STAT1: variants seen among roughly 807,000 people sequenced by gnomAD.
STAT1 encodes the protein signal transducer and activator of transcription 1-alpha/beta.
A neutral mutation model predicts 111.7 loss-of-function variants in STAT1; 24 were observed. The observed-to-expected ratio is 0.21, with a 90% CI of 0.16 to 0.30. The LOEUF (loss-of-function observed/expected upper bound fraction) is 0.30, where lower values mean the gene tolerates loss of function less well. Among genes scored for constraint, STAT1 ranks in the 10% least tolerant of loss-of-function variants. The pLI is 1.00. For synonymous variants in STAT1, 332 were observed against 326.5 expected (o/e 1.02, Z -0.18); for missense variants, 351 against 911.9 (o/e 0.38, Z 7.92).
At chr2:190,994,163 T>C (rs879788638) in intron 10 of STAT1, among the ~76,000 whole-genome samples, 1 of 152,034 alleles carries the variant, frequency 6.6e-6, no homozygotes, top group Non-Finnish European at 1.5e-5. Flanking sequence ...AGAGGAAGTA[T>C]CCTCAGGAGA....
At chr2:190,985,894 C>A (rs1286865991) in intron 14 of STAT1, among the ~76,000 whole-genome samples, 3 of 152,212 alleles carry the variant, frequency 2.0e-5, no homozygotes, top group African/African-American at 7.2e-5. Flanking sequence ...GAATCACAAC[C>A]CGCTCCTCTC....
In STAT1 at chr2:190,999,812, ATCTCCCCC is replaced by A; in HGVS notation, c.463-116_463-109del. 1.3e-6 allele frequency: 1 copy of A among 761,964 alleles called. No individual in the cohort carries two copies. Among genetic ancestry groups the A allele is most frequent in the South Asian group, 1.5e-5 (1 of 68,160 alleles). The allele number at this position is 761,964 out of a possible 1,614,324, so 47.2% of individuals were successfully genotyped here. On this transcript the variant is annotated intron_variant, in intron 6 of 24. Transcript: ENST00000361099. This position sits in a 1 kb window ranked among gnomAD's most constrained non-coding sequence, Gnocchi z 4.1. ...CCCAGAGAAACACGAAAACAATTCC[ATCTCCCCC>A]AAAAAGAGATCTGACTTGGACAGTT...
Position 190,997,971 on chromosome 2 carries a change from T to C in STAT1, c.670A>G (p.Thr224Ala). The C allele has an allele frequency of 1.2e-6, 2 of 1,614,230 alleles. No individual in the cohort carries two copies. Among genetic ancestry groups the C allele is most frequent in the Non-Finnish European group, 1.7e-6 (2 of 1,180,044 alleles). ...ATCAGGGCATTCTGGGTAAGTTCAGTGACATTCAGCAACTCTATTATTTTG... is the reference window on the plus strand; with the variant it reads ...ATCAGGGCATTCTGGGTAAGTTCAGCGACATTCAGCAACTCTATTATTTTG... ...VHKIIELLNV[T>A]ELTQNALIND... The change falls in exon 9 of 25, where the codon ACT (threonine) becomes GCT (alanine). Residue 224 changes from threonine (T) to alanine (A), a missense_variant. Thr to Ala is a moderately conservative substitution (Grantham distance 58). This residue lies in a region of STAT1 where 67 missense variants were observed against 158.9 expected (regional missense o/e 0.42). Transcript: ENST00000361099. This position sits in a 1 kb window ranked among gnomAD's most constrained non-coding sequence, Gnocchi z 7.3.
In STAT1 at chr2:190,977,040, A is replaced by G. The variant is rs769344803; in HGVS notation, c.1874-15T>C. 3.7e-6 allele frequency: 6 copies of G among 1,613,758 alleles called. No individual in the cohort carries two copies. The South Asian group carries it at 5.5e-5, about 15-fold the overall frequency. On this transcript the variant is annotated splice_polypyrimidine_tract_variant and intron_variant, in intron 21 of 24. Transcript: ENST00000361099. The surrounding 1 kb of genome is among the most constrained non-coding windows in gnomAD (Gnocchi z 4.7). ...GAAGTCAGGTTCTAAAAAGGAGAAA[A>G]GCTAAGTAAATCCCATAGAACATCC... is the stretch of plus-strand genomic sequence containing the variant.
At chr2:191,005,099 T>C (rs1056084197) in intron 5 of STAT1, among the ~76,000 whole-genome samples, 4 of 152,236 alleles carry the variant, frequency 2.6e-5, no homozygotes, top group African/African-American at 9.6e-5. Context: ...CATCTCGGCA[T>C]GTCTATAGAA....
rs1458817954 is a variant in STAT1, at chr2:190,976,622, C to T, written c.2059+218G>A. ...ACACAAGACCAGCAATGGACTTTTC[C>T]AACATTCCTAAAATAGGAAATTGTC... On this transcript the variant is annotated intron_variant, in intron 22 of 24. Coordinates refer to ENST00000361099, the MANE Select transcript of STAT1 (RefSeq NM_007315.4). This position sits in a 1 kb window ranked among gnomAD's most constrained non-coding sequence, Gnocchi z 6.0. Among the ~76,000 whole-genome samples, 12 of 152,170 alleles carry T rather than the reference C, an allele frequency of 7.9e-5. No homozygotes were observed. The highest frequency in any genetic ancestry group is 1.0e-4 in the Non-Finnish European group (7 of 68,018).
rs10199181 is a variant in STAT1 at position 191,008,827 on chromosome 2, A to T, written c.273+136T>A. On this transcript the variant is annotated intron_variant, in intron 4 of 24. Coordinates refer to ENST00000361099, the MANE Select transcript of STAT1 (RefSeq NM_007315.4). ...ATGCTATATTTACTGATGCTGTAGA[A>T]AACATAAATGGAGTTAGTCTCTATT... is the stretch of plus-strand genomic sequence containing the variant. 363,925 of 895,406 alleles carry T rather than the reference A, an allele frequency of 0.41. 77,681 individuals are homozygous for T. Among genetic ancestry groups the T allele is most frequent in the East Asian group, 0.71 (26,714 of 37,606 alleles). The allele number at this position is 895,406 out of a possible 1,614,324, so 55.5% of individuals were successfully genotyped here. A position where few individuals can be genotyped will look rare whatever the true frequency, so the allele number is the denominator to read the frequency against.
At position 190,972,816 on chromosome 2, in the gene STAT1, GGTGTGTGTGT is replaced by G. The variant is rs34975356; in HGVS notation, c.2238+2004_2238+2013del. On this transcript the variant is annotated intron_variant, in intron 24 of 24. Coordinates refer to ENST00000361099, the MANE Select transcript of STAT1 (RefSeq NM_007315.4). Reference sequence around the variant, plus strand: ...TGGGAGGCTTTAGTGGTGTATAGAGGGTGTGTGTGTGTGTGTGTGTGTGTGTGTGTGTGTG... The same window carrying G: ...TGGGAGGCTTTAGTGGTGTATAGAGGGTGTGTGTGTGTGTGTGTGTGTGTG... Among the ~76,000 whole-genome samples the G allele has an allele frequency of 2.3e-3, 311 of 136,420 alleles. 3 individuals carry two copies. In the South Asian group the frequency reaches 0.028, roughly 12 times the overall value. The allele number at this position is 136,420 out of a possible 152,430, so 89.5% of individuals were successfully genotyped here.
Position 190,998,038 on chromosome 2 carries a change from A to T in STAT1, c.634-31T>A, listed in dbSNP as rs369684905. The T allele has an allele frequency of 4.3e-6, 7 of 1,611,676 alleles. No individual in the cohort carries two copies. In the African/African-American group the frequency reaches 9.3e-5, roughly 22 times the overall value. On this transcript the variant is annotated intron_variant, in intron 8 of 24. Coordinates refer to ENST00000361099, the MANE Select transcript of STAT1 (RefSeq NM_007315.4). This position sits in a 1 kb window ranked among gnomAD's most constrained non-coding sequence, Gnocchi z 4.1. ...GGCAATAGAAGAAACAAAGTGAAAT[A>T]AATTCATTTTTAATCACTGAATTTT... is the stretch of plus-strand genomic sequence containing the variant.
Position 190,995,171 on chromosome 2 carries a change from T to C in STAT1, c.834A>G (p.Lys278=), listed in dbSNP as rs1182141196. The C allele has an allele frequency of 6.2e-7, 1 of 1,613,950 alleles. No individual in the cohort carries two copies. The highest frequency in any genetic ancestry group is 1.7e-5 in the Admixed American group (1 of 60,002). ...ESLQQVRQQL[K]KLEELEQKYT... ...ATTTCTGTTCCAATTCCTCCAACTT[T>C]TTAAGCTGCTGCCGAACTTGCTGCA... The change falls in exon 10 of 25, where the codon AAA becomes AAG. Residue 278 remains lysine (K), a synonymous_variant. Transcript: ENST00000361099. The surrounding 1 kb of genome is among the most constrained non-coding windows in gnomAD (Gnocchi z 4.2).
At position 190,975,531 on chromosome 2, in the gene STAT1, A is replaced by T; in HGVS notation, c.2135+281T>A. On this transcript the variant is annotated intron_variant, in intron 23 of 24. Coordinates refer to ENST00000361099, the MANE Select transcript of STAT1 (RefSeq NM_007315.4). This position sits in a 1 kb window ranked among gnomAD's most constrained non-coding sequence, Gnocchi z 5.9. ...CTAGATTGAAAAGAACTACTTTCCC[A>T]CTCTGATCAACTTTTGCTCATTTTA... 1 of 1,287,288 alleles carries T rather than the reference A, an allele frequency of 7.8e-7. No homozygotes were observed. The highest frequency in any genetic ancestry group is 1.0e-6 in the Non-Finnish European group (1 of 973,578). 79.7% of individuals were successfully genotyped at this position (1,287,288 alleles called of 1,614,324 possible).
chr2:190,992,746 C>T (rs1395532089), intron 10 of STAT1: 3 of 862,816 alleles, frequency 3.5e-6, no homozygotes, highest in Non-Finnish European at 5.0e-6. Context: ...TTCTTAATCT[C>T]AGCTGCCATC....
rs963371244 is a variant in STAT1 at position 191,003,711 on chromosome 2, A to G, written c.373-2548T>C. ...GCTTCCTGTAACAGCCTGCAGAACC[A>G]TAAGTCAATTAAACCTCTTTTCTTA... On this transcript the variant is annotated intron_variant, in intron 5 of 24. Coordinates refer to ENST00000361099, the MANE Select transcript of STAT1 (RefSeq NM_007315.4). This position sits in a 1 kb window ranked among gnomAD's most constrained non-coding sequence, Gnocchi z 4.0. 6.6e-6 allele frequency among the ~76,000 whole-genome samples: 1 copy of G among 152,310 alleles called. No homozygotes were observed. Among genetic ancestry groups the G allele is most frequent in the Non-Finnish European group, 1.5e-5 (1 of 68,036 alleles).
rs911876235 is a variant in STAT1 at position 190,974,721 on chromosome 2, C to T, written c.2238+109G>A. 5.4e-5 allele frequency: 53 copies of T among 990,430 alleles called. No homozygotes were observed. The highest frequency in any genetic ancestry group is 4.3e-4 in the South Asian group (32 of 75,082). 61.4% of individuals were successfully genotyped at this position (990,430 alleles called of 1,614,324 possible). ...CTGAGCACTGCACTCTCCTTGGCTC[C>T]GCCAGGGCTCCCTCCCGCAGACAGG... On this transcript the variant is annotated intron_variant, in intron 24 of 24. Transcript: ENST00000361099. This position sits in a 1 kb window ranked among gnomAD's most constrained non-coding sequence, Gnocchi z 4.8.
In STAT1 at chr2:190,980,886, G is replaced by A. The variant is rs1692337779; in HGVS notation, c.1583-217C>T. On this transcript the variant is annotated intron_variant, in intron 18 of 24. Coordinates refer to ENST00000361099, the MANE Select transcript of STAT1 (RefSeq NM_007315.4). The surrounding 1 kb of genome is among the most constrained non-coding windows in gnomAD (Gnocchi z 6.1). ...GCGGAATTTAAATGGTCTAAAATAT[G>A]TATATGTTGGTTTGAGTTTAATGGC... Among the ~76,000 whole-genome samples the A allele has an allele frequency of 6.6e-6, 1 of 152,164 alleles. No homozygotes were observed. Among genetic ancestry groups the A allele is most frequent in the East Asian group, 1.9e-4 (1 of 5,194 alleles).
rs757528949 is a variant in STAT1 at position 190,976,835 on chromosome 2, C to T, written c.2059+5G>A. ...ACGCTGTTACCACCTGCTTGCCCCA[C>T]TTACCTTCCTTTGGCCTGGAGTAAT... On this transcript the variant is annotated splice_donor_5th_base_variant and intron_variant, in intron 22 of 24. Transcript: ENST00000361099. The surrounding 1 kb of genome is among the most constrained non-coding windows in gnomAD (Gnocchi z 6.0). The T allele has an allele frequency of 8.7e-6, 14 of 1,613,846 alleles. No individual in the cohort carries two copies. The Admixed American group carries it at 2.3e-4, about 27-fold the overall frequency.
In STAT1 at chr2:190,998,662, CAAAAAAAAACAAAAAAAACA is replaced by C. The variant is rs1333999732; in HGVS notation, c.542-374_542-355del. On this transcript the variant is annotated intron_variant, in intron 7 of 24. Coordinates refer to ENST00000361099, the MANE Select transcript of STAT1 (RefSeq NM_007315.4). The surrounding 1 kb of genome is among the most constrained non-coding windows in gnomAD (Gnocchi z 4.1). ...GGGCGACAGAGCGAGACTCCGTCTC[CAAAAAAAAACAAAAAAAACA>C]AAAAAAAAACAAAAAAAACTTGTTT... Among the ~76,000 whole-genome samples, 11 of 100,358 alleles carry C rather than the reference CAAAAAAAAACAAAAAAAACA, an allele frequency of 1.1e-4. No individual in the cohort carries two copies. Among genetic ancestry groups the C allele is most frequent in the African/African-American group, 1.5e-4 (4 of 25,972 alleles). The allele number at this position is 100,358 out of a possible 152,430, so 65.8% of individuals were successfully genotyped here. A position where few individuals can be genotyped will look rare whatever the true frequency, so the allele number is the denominator to read the frequency against.
chr2:190,982,308 G>A lies in STAT1; in HGVS notation c.1582+75C>T, dbSNP rs1692451399. 3 of 1,559,162 alleles carry A rather than the reference G, an allele frequency of 1.9e-6. No individual in the cohort carries two copies. Among genetic ancestry groups the A allele is most frequent in the South Asian group, 2.2e-5 (2 of 89,152 alleles). ...TTTTTACCTTTAACAAAATAGCAGA[G>A]GGGAAAAGAGCAATTAGAGAGATAT... On this transcript the variant is annotated intron_variant, in intron 18 of 24. Transcript: ENST00000361099. This position sits in a 1 kb window ranked among gnomAD's most constrained non-coding sequence, Gnocchi z 7.3.
At position 190,995,026 on chromosome 2, in the gene STAT1, T is replaced by C. The variant is rs1457261297; in HGVS notation, c.944+35A>G. On this transcript the variant is annotated intron_variant, in intron 10 of 24. Coordinates refer to ENST00000361099, the MANE Select transcript of STAT1 (RefSeq NM_007315.4). The surrounding 1 kb of genome is among the most constrained non-coding windows in gnomAD (Gnocchi z 4.2). ...TAAAATGTTCCTCTGTATAGACCGATTACAGAAGGTACAAATAAATGTCCC... is the reference window on the plus strand; with the variant it reads ...TAAAATGTTCCTCTGTATAGACCGACTACAGAAGGTACAAATAAATGTCCC... The C allele has an allele frequency of 6.2e-7, 1 of 1,604,510 alleles. No individual in the cohort carries two copies.
Sources: allele counts gnomAD v4.1 joint callset (sites outside exome capture counted in the v4.1 genomes callset), GRCh38; gene constraint gnomAD v4.1.1; regional missense constraint gnomAD v4.1.1; non-coding constraint Gnocchi (gnomAD v3.1); transcripts MANE v1.5; gene names NCBI Gene and HGNC (gene_info 2026-07-23, HGNC 2026-07-21).